TPPP: variants seen among roughly 807,000 people sequenced by gnomAD.
TPPP encodes tubulin polymerization promoting protein, also known as tubulin polymerization-promoting protein.
In TPPP, 6 loss-of-function variants were observed where a neutral mutation model predicts 15.5. That is an observed-to-expected ratio of 0.39 (90% confidence interval 0.21 to 0.77). The LOEUF (loss-of-function observed/expected upper bound fraction) is 0.77, where lower values mean the gene tolerates loss of function less well. TPPP is among the 30% of genes least tolerant of loss of function. The pLI is 0.42. For synonymous variants in TPPP, 146 were observed against 133.9 expected (o/e 1.09, Z -0.63); for missense variants, 269 against 307.2 (o/e 0.88, Z 0.93).
At chr5:667,893 CGTGTGG>C (rs1739993543) in intron 2 of TPPP, among the ~76,000 whole-genome samples, 3 of 81,542 alleles carry the variant, frequency 3.7e-5, no homozygotes, top group Non-Finnish European at 6.7e-5. Context: ...GAGAGGGGGC[CGTGTGG>C]GCGCCGTCAG....
chr5:680,428 C>T (rs1345972609), intron 1 of TPPP, among the ~76,000 whole-genome samples: 4 of 112,430 alleles, frequency 3.6e-5, no homozygotes, highest in Admixed American at 1.8e-4. Flanking sequence ...ACCTCAGAGA[C>T]GTGGCCACAC....
At position 662,380 on chromosome 5, in the gene TPPP, C is replaced by G. The variant is rs964288663; in HGVS notation, c.*2722G>C. The G allele has an allele frequency of 6.6e-6, 1 of 152,484 alleles. No individual in the cohort carries two copies. The highest frequency in any genetic ancestry group is 1.5e-5 in the Non-Finnish European group (1 of 68,100). The allele number at this position is 152,484 out of a possible 1,614,324, so 9.4% of individuals were successfully genotyped here. The stretch of plus-strand genomic sequence containing the variant: ...TTCTCGAGGCCGTGCTTGTCTGAGG[C>G]CAACCAGGGACCAGGAGGCAGCGTC... On this transcript the variant is annotated 3_prime_UTR_variant, in exon 4 of 4. Coordinates refer to ENST00000360578, the MANE Select transcript of TPPP (RefSeq NM_007030.3).
chr5:668,009 A>G (rs1468866834), intron 2 of TPPP, among the ~76,000 whole-genome samples: 1 of 48,138 alleles, frequency 2.1e-5, no homozygotes, highest in Admixed American at 2.0e-4. Context: ...CCGTCAGGGA[A>G]GTACCGACAA....
At chr5:683,800 G>A (rs1208367368) in intron 1 of TPPP, among the ~76,000 whole-genome samples, 4 of 152,288 alleles carry the variant, frequency 2.6e-5, no homozygotes, top group African/African-American at 9.6e-5. Context: ...CCCAGGCCCT[G>A]CAGGTGGGAG....
rs750683127 is a variant in TPPP at position 663,251 on chromosome 5, A to G, written c.*1851T>C. 1 of 152,286 alleles carries G rather than the reference A, an allele frequency of 6.6e-6. No individual in the cohort carries two copies. The highest frequency in any genetic ancestry group is 1.5e-5 in the Non-Finnish European group (1 of 68,012). The allele number at this position is 152,286 out of a possible 1,614,324, so 9.4% of individuals were successfully genotyped here. On this transcript the variant is annotated 3_prime_UTR_variant, in exon 4 of 4. Transcript: ENST00000360578. The stretch of plus-strand genomic sequence containing the variant: ...GAACCGCACATTCAGAGTTGTTTTC[A>G]AATGTTTCCGCACGTTAGTTCTGCC...
intron 1 of TPPP, among the ~76,000 whole-genome samples, chr5:688,874 T>C (rs11957738): frequency 0.22 from 27,058 of 120,294 alleles, 454 homozygotes; most frequent in African/African-American, 0.39. Context: ...GGTGGCCAGG[T>C]CACCTGCGAG....
chr5:699,040 T>C, the TPPP span, among the ~76,000 whole-genome samples: 1 of 151,946 alleles, frequency 6.6e-6, no homozygotes, highest in Admixed American at 6.6e-5. Context: ...AAGCATCCCA[T>C]GCTCATGGAT....
intron 1 of TPPP, among the ~76,000 whole-genome samples, chr5:680,349 G>A (rs1283065894): frequency 2.5e-5 from 2 of 81,120 alleles, no homozygotes; most frequent in Non-Finnish European, 4.4e-5. Context: ...GCTTCAGGCT[G>A]GGACTTGGAT....
At position 663,152 on chromosome 5, in the gene TPPP, TCGGG is replaced by T. The variant is rs1739737995; in HGVS notation, c.*1946_*1949del. The stretch of plus-strand genomic sequence containing the variant: ...GATTCCGGTGACCGCTCGTCTGTGA[TCGGG>T]TGAGTCCGATGACTGCTCGTCTGTG... On this transcript the variant is annotated 3_prime_UTR_variant, in exon 4 of 4. Transcript: ENST00000360578. 2 of 128,348 alleles carry T rather than the reference TCGGG, an allele frequency of 1.6e-5. No individual in the cohort carries two copies. The highest frequency in any genetic ancestry group is 3.7e-5 in the Non-Finnish European group (2 of 53,928). 8.0% of individuals were successfully genotyped at this position (128,348 alleles called of 1,614,324 possible).
intron 2 of TPPP, among the ~76,000 whole-genome samples, chr5:668,588 G>GT: frequency 6.6e-6 from 1 of 152,268 alleles, no homozygotes; most frequent in Non-Finnish European, 1.5e-5. Context: ...AGGCCGCGGG[G>GT]TGGGGGCCTC....
chr5:691,972 C>T (rs1226929538), intron 1 of TPPP, among the ~76,000 whole-genome samples: 42 of 119,722 alleles, frequency 3.5e-4, no homozygotes, highest in African/African-American at 1.3e-3. Flanking sequence ...AAAACAGCAG[C>T]CCCCAGACCC....
In TPPP at chr5:665,140, C is replaced by G; in HGVS notation, c.622G>C (p.Ala208Pro). 6.2e-7 allele frequency: 1 copy of G among 1,612,834 alleles called. No homozygotes were observed. Among genetic ancestry groups the G allele is most frequent in the South Asian group, 1.1e-5 (1 of 91,084 alleles). ...TGCACCTTCTGGTCGTAGGTGCCTG[C>G]GTGCTTGTAGCCGGACACATAGCCT... ...ESGYVSGYKH[A>P]GTYDQKVQGG... Residue 208 changes from alanine to proline, a missense_variant, in exon 4 of 4, where the codon GCA (alanine) becomes CCA (proline). Ala to Pro is a conservative substitution (Grantham distance 27). Coordinates refer to ENST00000360578, the MANE Select transcript of TPPP (RefSeq NM_007030.3).
At chr5:699,593 T>G in the TPPP span, among the ~76,000 whole-genome samples, 29 of 152,102 alleles carry the variant, frequency 1.9e-4, no homozygotes, top group South Asian at 5.8e-3. Flanking sequence ...CAAGAGCAAT[T>G]GCAACAAAAA....
chr5:700,692 G>C, the TPPP span, among the ~76,000 whole-genome samples: 1 of 151,766 alleles, frequency 6.6e-6, no homozygotes. Context: ...CTTCTTTTTA[G>C]TTATGCAGCT....
At chr5:686,834 G>C (rs1362678634) in intron 1 of TPPP, among the ~76,000 whole-genome samples, 1 of 143,054 alleles carries the variant, frequency 7.0e-6, no homozygotes, top group African/African-American at 2.5e-5. Context: ...TGGGGGATGA[G>C]ATTCAGCTAT....
Position 665,081 on chromosome 5 carries a change from C to A in TPPP, c.*21G>T. On this transcript the variant is annotated 3_prime_UTR_variant, in exon 4 of 4. Coordinates refer to ENST00000360578, the MANE Select transcript of TPPP (RefSeq NM_007030.3). ...CCCTGCTCTGGGGACACCGGCAGTGCCGCGAGGCATGGAGCGGGGGCTACT... is the reference window on the plus strand; with the variant it reads ...CCCTGCTCTGGGGACACCGGCAGTGACGCGAGGCATGGAGCGGGGGCTACT... 6.2e-7 allele frequency: 1 copy of A among 1,601,348 alleles called. No homozygotes were observed. Among genetic ancestry groups the A allele is most frequent in the Non-Finnish European group, 8.5e-7 (1 of 1,177,448 alleles).
At chr5:675,086 G>GGGA (rs1740361139) in intron 2 of TPPP, among the ~76,000 whole-genome samples, 1 of 93,750 alleles carries the variant, frequency 1.1e-5, no homozygotes. Context: ...GCAGCATGGG[G>GGGA]GGTTCAGTGT....
chr5:677,110 C>A (rs140651352), intron 2 of TPPP, among the ~76,000 whole-genome samples: 1 of 152,362 alleles, frequency 6.6e-6, no homozygotes, highest in African/African-American at 2.4e-5. Context: ...CGGCACGATG[C>A]GGTTTCAAGG....
At chr5:670,038 A>G (rs531640903) in intron 2 of TPPP, among the ~76,000 whole-genome samples, 2 of 152,102 alleles carry the variant, frequency 1.3e-5, no homozygotes, top group East Asian at 1.9e-4. Flanking sequence ...CTGCTCATAC[A>G]CGATGCCCTG....
Sources: gnomAD v4.1 joint callset for allele counts (sites outside exome capture counted in the v4.1 genomes callset) on GRCh38, gnomAD v4.1.1 for gene constraint, MANE v1.5 for transcripts, NCBI Gene and HGNC (gene_info 2026-07-23, HGNC 2026-07-21) for gene names.